Variants in NEDD4 observed in about 807,000 individuals in gnomAD.
NEDD4 encodes the protein E3 ubiquitin-protein ligase NEDD4.
Under a neutral mutation model 144.9 loss-of-function variants are expected in NEDD4, and 99 were observed. The observed-to-expected ratio is 0.68, with a 90% CI of 0.58 to 0.81. NEDD4 has a LOEUF of 0.81. NEDD4 is among the 30% of genes least tolerant of loss of function. NEDD4 has a pLI of 0.00. For synonymous variants in NEDD4, 318 were observed against 350.6 expected (o/e 0.91, Z 1.04); for missense variants, 985 against 1,065.9 (o/e 0.92, Z 1.06).
chr15:55,986,822 C>T (rs1227998559), intron 1 of NEDD4, among the ~76,000 whole-genome samples: 2 of 151,648 alleles, frequency 1.3e-5, no homozygotes, highest in African/African-American at 4.8e-5. Flanking sequence ...GTCTCAATCT[C>T]CCGACCTCGT....
chr15:55,882,336 T>C (rs2035222818), intron 5 of NEDD4, among the ~76,000 whole-genome samples: 1 of 152,168 alleles, frequency 6.6e-6, no homozygotes, highest in South Asian at 2.1e-4. Flanking sequence ...AGTGGCTGTA[T>C]GGCATGGAGA....
At chr15:55,977,871 C>G (rs2037732855) in intron 1 of NEDD4, among the ~76,000 whole-genome samples, 1 of 151,934 alleles carries the variant, frequency 6.6e-6, no homozygotes, top group East Asian at 1.9e-4. Context: ...AGCCATACTA[C>G]GTTACACAGG....
intron 5 of NEDD4, among the ~76,000 whole-genome samples, chr15:55,911,985 A>G (rs971016539): frequency 1.3e-5 from 2 of 152,204 alleles, no homozygotes; most frequent in South Asian, 4.1e-4. Context: ...ACACATCTAC[A>G]GAGAATACAA....
At chr15:55,989,271 A>T (rs901141185) in intron 1 of NEDD4, among the ~76,000 whole-genome samples, 27 of 152,226 alleles carry the variant, frequency 1.8e-4, no homozygotes, top group Non-Finnish European at 2.5e-4. Flanking sequence ...AAATTATTTT[A>T]AAAATACACT....
chr15:55,945,047 G>A (rs996944557), intron 4 of NEDD4, among the ~76,000 whole-genome samples: 1 of 152,100 alleles, frequency 6.6e-6, no homozygotes, highest in African/African-American at 2.4e-5. Context: ...AAACCACCAA[G>A]ATGGGGAGAA....
At chr15:55,964,960 A>T (rs1025852720) in intron 2 of NEDD4, among the ~76,000 whole-genome samples, 1 of 150,266 alleles carries the variant, frequency 6.7e-6, no homozygotes, top group African/African-American at 2.5e-5. Flanking sequence ...CCTTGCTTCC[A>T]CTCTTGCTAT....
At chr15:55,941,774 T>C (rs754423250) in intron 4 of NEDD4, among the ~76,000 whole-genome samples, 1 of 152,112 alleles carries the variant, frequency 6.6e-6, no homozygotes, top group Non-Finnish European at 1.5e-5. Flanking sequence ...GGTTTCATCA[T>C]ATTGGTCAGG....
At chr15:55,838,387 G>A (rs775085836) in intron 22 of NEDD4, 122 bp downstream of exon 22, 10 of 775,224 alleles carry the variant, frequency 1.3e-5, no homozygotes, top group Non-Finnish European at 1.9e-5. Flanking sequence ...CTCAGAGACA[G>A]CTTTTGTTAC....
rs557720707 is a variant in NEDD4 at position 55,881,746 on chromosome 15, A to G, written c.292-7738T>C. 5.9e-5 allele frequency among the ~76,000 whole-genome samples: 9 copies of G among 152,328 alleles called. No individual in the cohort carries two copies. In the South Asian group the frequency reaches 1.9e-3, roughly 32 times the overall value. On this transcript the variant is annotated intron_variant, in intron 5 of 28. Coordinates refer to ENST00000435532, the MANE Select transcript of NEDD4 (RefSeq NM_006154.4). ...TATGTTTGATGATTTGTGACCCTGCAGTGCTTAAAAAACATAGCTGTGATC... is the reference window on the plus strand; with the variant it reads ...TATGTTTGATGATTTGTGACCCTGCGGTGCTTAAAAAACATAGCTGTGATC...
chr15:55,858,974 C>T (rs898349691), intron 11 of NEDD4, among the ~76,000 whole-genome samples: 1 of 152,138 alleles, frequency 6.6e-6, no homozygotes, highest in African/African-American at 2.4e-5. Flanking sequence ...CTGATTTGGC[C>T]CACCGGTTGT....
At chr15:55,916,906 G>C in intron 5 of NEDD4, 2 of 1,515,748 alleles carry the variant, frequency 1.3e-6, no homozygotes, top group Non-Finnish European at 1.8e-6. Context: ...GCTAGAAGCA[G>C]CTGCACTGCA....
chr15:55,951,272 T>C (rs2037233162), intron 4 of NEDD4, 104 bp downstream of exon 4: 9 of 564,178 alleles, frequency 1.6e-5, no homozygotes. Context: ...TTTAGGCAAA[T>C]TCTGAGATAC....
At chr15:55,955,611 T>C (rs1399324634) in intron 2 of NEDD4, among the ~76,000 whole-genome samples, 3 of 152,160 alleles carry the variant, frequency 2.0e-5, no homozygotes, top group Admixed American at 2.0e-4. Flanking sequence ...AATATCCTAA[T>C]GATTAATCCA....
At chr15:55,970,126 A>G (rs560856550) in intron 1 of NEDD4, among the ~76,000 whole-genome samples, 1 of 152,254 alleles carries the variant, frequency 6.6e-6, no homozygotes, top group African/African-American at 2.4e-5. Flanking sequence ...TAGCCAGACT[A>G]TAGTAGCCAC....
At chr15:55,962,894 C>G (rs765057213) in intron 2 of NEDD4, among the ~76,000 whole-genome samples, 3 of 151,668 alleles carry the variant, frequency 2.0e-5, no homozygotes, top group Non-Finnish European at 4.4e-5. Flanking sequence ...TCAACTGATT[C>G]TCCTGCTTCA....
chr15:55,949,195 T>A (rs1253181377), intron 4 of NEDD4, among the ~76,000 whole-genome samples: 3 of 152,108 alleles, frequency 2.0e-5, no homozygotes, highest in South Asian at 2.1e-4. Flanking sequence ...AAAACACATG[T>A]AAAAATGCTC....
At chr15:55,956,241 G>A (rs1384235085) in intron 2 of NEDD4, among the ~76,000 whole-genome samples, 4 of 152,120 alleles carry the variant, frequency 2.6e-5, no homozygotes, top group African/African-American at 9.7e-5. Context: ...TATGTCTAAA[G>A]ATACTTTTTC....
At chr15:55,842,870 TA>T (rs2033577345) in intron 18 of NEDD4, among the ~76,000 whole-genome samples, 1 of 152,216 alleles carries the variant, frequency 6.6e-6, no homozygotes, top group African/African-American at 2.4e-5. Flanking sequence ...CTTCACTCAT[TA>T]ACAGATGGTG....
Position 55,852,484 on chromosome 15 carries a change from T to A in NEDD4, c.1086A>T (p.Gly362=), listed in dbSNP as rs1269590462. ...AATTGTGATCTACATAATATGATCT[T>A]CCTCTTTCATCTTGTTTTTCTTCCC... ...PGWEEKQDER[G]RSYYVDHNSR... Residue 362 remains glycine (G), a synonymous_variant, in exon 13 of 29, where the codon GGA becomes GGT. Coordinates refer to ENST00000435532, the MANE Select transcript of NEDD4 (RefSeq NM_006154.4). The A allele has an allele frequency of 1.2e-6, 2 of 1,613,258 alleles. No individual in the cohort carries two copies. The highest frequency in any genetic ancestry group is 4.5e-5 in the East Asian group (2 of 44,818).
Sources: allele counts gnomAD v4.1 joint callset (sites outside exome capture counted in the v4.1 genomes callset), GRCh38; gene constraint gnomAD v4.1.1; transcripts MANE v1.5; gene names NCBI Gene and HGNC (gene_info 2026-07-23, HGNC 2026-07-21).